Variants in NEDD4 observed in about 807,000 individuals in gnomAD.
NEDD4 encodes E3 ubiquitin-protein ligase NEDD4.
In NEDD4, 99 loss-of-function variants were observed where a neutral mutation model predicts 144.9. The observed-to-expected ratio is 0.68, with a 90% CI of 0.58 to 0.81. The LOEUF (loss-of-function observed/expected upper bound fraction) is 0.81, where lower values mean the gene tolerates loss of function less well. Among genes scored for constraint, NEDD4 ranks in the 30% least tolerant of loss-of-function variants. The pLI is 0.00. For missense variants in NEDD4, 985 were observed against 1,065.9 expected (o/e 0.92, Z 1.06); for synonymous variants, 318 against 350.6 (o/e 0.91, Z 1.04).
intron 1 of NEDD4, among the ~76,000 whole-genome samples, chr15:55,974,996 G>A (rs954887204): frequency 2.1e-5 from 3 of 143,316 alleles, no homozygotes; most frequent in Non-Finnish European, 3.0e-5. Flanking sequence ...AGGTTCAAAC[G>A]ATTCTCCTGC....
chr15:55,836,619 A>G (rs1436029110), intron 24 of NEDD4, among the ~76,000 whole-genome samples: 1 of 152,028 alleles, frequency 6.6e-6, no homozygotes, highest in Admixed American at 6.6e-5. Flanking sequence ...TCTGCCTCTC[A>G]GGTTCAAGCA....
rs535615855 is a variant in NEDD4, at chr15:55,857,520, G to A, written c.961-1324C>T. On this transcript the variant is annotated intron_variant, in intron 11 of 28. Transcript: ENST00000435532. ...ATTTTTGTATTAGAGACGGGGTTTC[G>A]CCATGTTGGCCAGGCTGGTCTCGAA... 3.3e-5 allele frequency among the ~76,000 whole-genome samples: 5 copies of A among 152,000 alleles called. No individual in the cohort carries two copies. In the South Asian group the frequency reaches 8.3e-4, roughly 25 times the overall value.
intron 18 of NEDD4, among the ~76,000 whole-genome samples, chr15:55,842,679 A>G (rs1428049612): frequency 1.3e-5 from 2 of 152,222 alleles, no homozygotes; most frequent in Admixed American, 6.5e-5. Flanking sequence ...CACCCGGCCT[A>G]AAGAAGCAAT....
At chr15:55,845,000 G>C (rs1400124321) in intron 18 of NEDD4, among the ~76,000 whole-genome samples, 2 of 151,882 alleles carry the variant, frequency 1.3e-5, no homozygotes, top group Non-Finnish European at 2.9e-5. Context: ...TTCTGTTTTG[G>C]TGTTACATGT....
intron 1 of NEDD4, among the ~76,000 whole-genome samples, chr15:55,979,278 T>A (rs1197174583): frequency 6.6e-6 from 1 of 150,928 alleles, no homozygotes. Flanking sequence ...CACAGAAAGA[T>A]TAGAAGGAAA....
chr15:55,936,707 T>C (rs1005199783), intron 4 of NEDD4, among the ~76,000 whole-genome samples: 14 of 152,124 alleles, frequency 9.2e-5, no homozygotes, highest in African/African-American at 3.1e-4. Flanking sequence ...ACAGAGTAAA[T>C]AACATGTGCA....
chr15:55,890,351 G>A (rs1041436329), intron 5 of NEDD4, among the ~76,000 whole-genome samples: 17 of 151,970 alleles, frequency 1.1e-4, no homozygotes, highest in African/African-American at 3.6e-4. Flanking sequence ...AGCATTCACT[G>A]CCCATTTCCC....
At chr15:55,938,495 C>T (rs1322312796) in intron 4 of NEDD4, among the ~76,000 whole-genome samples, 3 of 152,228 alleles carry the variant, frequency 2.0e-5, no homozygotes, top group Admixed American at 1.3e-4. Context: ...AGACCCGACA[C>T]TGTAAAACCC....
chr15:55,916,538 T>C (rs767776448), intron 5 of NEDD4: 2 of 1,614,004 alleles, frequency 1.2e-6, no homozygotes, highest in Non-Finnish European at 1.7e-6. Flanking sequence ...ACTGAAGATA[T>C]CCACTGTACC....
At chr15:55,959,683 T>A (rs928737268) in intron 2 of NEDD4, among the ~76,000 whole-genome samples, 1 of 152,230 alleles carries the variant, frequency 6.6e-6, no homozygotes, top group African/African-American at 2.4e-5. Flanking sequence ...TCTTGCTAGC[T>A]TTGAAGAAGC....
intron 26 of NEDD4, 114 bp from the exon 27 acceptor site, chr15:55,833,218 G>C (rs1033778353): frequency 4.6e-6 from 3 of 645,716 alleles, no homozygotes; most frequent in Non-Finnish European, 7.8e-6. Context: ...ACTAGATGTG[G>C]ATGTTTCTTT....
At chr15:55,951,449 G>T in intron 3 of NEDD4, 35 bp from the exon 4 acceptor site, 5 of 1,295,200 alleles carry the variant, frequency 3.9e-6, no homozygotes, top group Non-Finnish European at 5.3e-6. Context: ...ACTAAATAAG[G>T]TTTTGTCTTA....
intron 5 of NEDD4, among the ~76,000 whole-genome samples, chr15:55,902,884 G>C (rs72732290): frequency 0.14 from 21,844 of 151,956 alleles, 1,722 homozygotes; most frequent in East Asian, 0.36. Context: ...GCCTGTAATC[G>C]CCGCTAGTCA....
intron 4 of NEDD4, among the ~76,000 whole-genome samples, chr15:55,933,820 T>C (rs1206140044): frequency 1.3e-5 from 2 of 152,164 alleles, no homozygotes; most frequent in South Asian, 2.1e-4. Context: ...TTCTCAGCCA[T>C]GCTAAACTGT....
rs147177650 is a variant in NEDD4 at position 55,969,125 on chromosome 15, C to T, written c.46-2579G>A. Among the ~76,000 whole-genome samples, 9 of 152,186 alleles carry T rather than the reference C, an allele frequency of 5.9e-5. 1 individual carries two copies. The East Asian group carries it at 1.7e-3, about 29-fold the overall frequency. ...GGCTGAGAGAGAATCTATGCCTTTG[C>T]GGGACGAAGGGCAAAGTGATTGTGG... On this transcript the variant is annotated intron_variant, in intron 1 of 28. Transcript: ENST00000435532.
chr15:55,949,007 A>G (rs1173967049), intron 4 of NEDD4, among the ~76,000 whole-genome samples: 3 of 152,182 alleles, frequency 2.0e-5, no homozygotes, highest in Admixed American at 6.6e-5. Context: ...TACCATCAGC[A>G]TGAACAGGCA....
chr15:55,905,642 G>A (rs62043816), intron 5 of NEDD4, among the ~76,000 whole-genome samples: 13,411 of 152,232 alleles, frequency 0.088, 662 homozygotes, highest in Middle Eastern at 0.16. Flanking sequence ...CAAGTAGGAC[G>A]TTAGGACTAG....
intron 5 of NEDD4, among the ~76,000 whole-genome samples, chr15:55,919,393 G>A (rs1158418874): frequency 6.6e-6 from 1 of 152,178 alleles, no homozygotes; most frequent in Non-Finnish European, 1.5e-5. Context: ...AATTTACAGA[G>A]AGGGTTTCAG....
At chr15:55,873,793 G>A (rs1447478737) in intron 6 of NEDD4, among the ~76,000 whole-genome samples, 165 bp downstream of exon 6, 1 of 152,040 alleles carries the variant, frequency 6.6e-6, no homozygotes, top group Admixed American at 6.6e-5. Context: ...AAGAGAAAAT[G>A]GAAACGGAAA....
Sources: allele counts gnomAD v4.1 joint callset (sites outside exome capture counted in the v4.1 genomes callset), GRCh38; gene constraint gnomAD v4.1.1; transcripts MANE v1.5; gene names NCBI Gene and HGNC (gene_info 2026-07-23, HGNC 2026-07-21).